UBR3: variants seen among roughly 807,000 people sequenced by gnomAD.
UBR3 encodes E3 ubiquitin-protein ligase UBR3.
UBR3 carries 85 observed loss-of-function variants against 243.2 expected under a neutral mutation model. The ratio of observed to expected loss-of-function variants is 0.35; its 90% CI spans 0.29 to 0.42. UBR3 has a LOEUF of 0.42. Among genes scored for constraint, UBR3 ranks in the 10% least tolerant of loss-of-function variants. The pLI, the probability that UBR3 is intolerant of heterozygous loss-of-function variation, is 1.00. For synonymous variants in UBR3, 748 were observed against 799.8 expected (o/e 0.94, Z 1.09); for missense variants, 1,686 against 2,300.8 (o/e 0.73, Z 5.47).
intron 24 of UBR3, among the ~76,000 whole-genome samples, chr2:169,962,340 C>T (rs1479710102): frequency 6.6e-6 from 1 of 151,864 alleles, no homozygotes; most frequent in Non-Finnish European, 1.5e-5. Context: ...CTCCCAAAGT[C>T]CAGGATTACA....
chr2:169,935,759 A>G (rs995086492), intron 19 of UBR3, among the ~76,000 whole-genome samples: 1 of 152,142 alleles, frequency 6.6e-6, no homozygotes. Flanking sequence ...GTCATGTAGC[A>G]TTTCATTTGC....
At chr2:170,052,562 C>G (rs1282446811) in intron 32 of UBR3, among the ~76,000 whole-genome samples, 1 of 152,066 alleles carries the variant, frequency 6.6e-6, no homozygotes, top group Non-Finnish European at 1.5e-5. Flanking sequence ...ATGGATGAAC[C>G]CATAGGACAT....
At chr2:169,963,490 C>CA (rs760905913) in intron 24 of UBR3, among the ~76,000 whole-genome samples, 33 of 151,966 alleles carry the variant, frequency 2.2e-4, no homozygotes, top group Non-Finnish European at 4.0e-4. Context: ...AATATTTCTT[C>CA]ATTTTTTTTT....
chr2:169,997,040 A>G (rs568578399), intron 26 of UBR3, among the ~76,000 whole-genome samples: 1 of 151,896 alleles, frequency 6.6e-6, no homozygotes, highest in African/African-American at 2.4e-5. Context: ...ATATTACTTT[A>G]TTAATCAGAG....
At chr2:170,004,680 G>A (rs1333904839) in intron 27 of UBR3, among the ~76,000 whole-genome samples, 1 of 150,394 alleles carries the variant, frequency 6.6e-6, no homozygotes, top group Admixed American at 6.6e-5. Context: ...GGAGGCTGAG[G>A]TGGGTGGATC....
intron 17 of UBR3, among the ~76,000 whole-genome samples, chr2:169,928,429 A>T (rs572057753): frequency 1.8e-4 from 27 of 152,274 alleles, no homozygotes; most frequent in African/African-American, 6.5e-4. Flanking sequence ...ACACATTTTT[A>T]AAAGTTTTTC....
intron 7 of UBR3, 88 bp from the exon 8 acceptor site, chr2:169,896,419 G>A: frequency 1.2e-6 from 1 of 828,864 alleles, no homozygotes; most frequent in African/African-American, 1.7e-5. Context: ...AGTAATAGCT[G>A]TAAAATGTTA....
intron 24 of UBR3, among the ~76,000 whole-genome samples, chr2:169,984,603 A>G (rs922128607): frequency 2.0e-5 from 3 of 152,238 alleles, no homozygotes; most frequent in Non-Finnish European, 4.4e-5. Flanking sequence ...ATTTAAATAC[A>G]GCATTTAATT....
At chr2:169,835,509 C>T (rs147958251) in intron 1 of UBR3, among the ~76,000 whole-genome samples, 26,852 of 152,172 alleles carry the variant, frequency 0.18, 2,588 homozygotes, top group South Asian at 0.35. Flanking sequence ...TGCATGATCT[C>T]GGCTCACTGC....
intron 1 of UBR3, among the ~76,000 whole-genome samples, chr2:169,845,539 CTTCTTCTTCTTCT>C (rs1453363085): frequency 2.1e-5 from 3 of 144,896 alleles, no homozygotes; most frequent in Non-Finnish European, 3.0e-5. Flanking sequence ...TCGTCTTCTT[CTTCTTCTTCTTCT>C]TTCTTCTTCT....
At chr2:169,858,518 T>C (rs927041802) in intron 1 of UBR3, among the ~76,000 whole-genome samples, 5 of 152,124 alleles carry the variant, frequency 3.3e-5, no homozygotes, top group African/African-American at 1.2e-4. Context: ...TGAAGGGTAT[T>C]TTCTCTGTGT....
At chr2:169,934,791 G>C (rs1024928787) in intron 19 of UBR3, among the ~76,000 whole-genome samples, 1 of 152,200 alleles carries the variant, frequency 6.6e-6, no homozygotes, top group African/African-American at 2.4e-5. Flanking sequence ...TTCAGTTTTT[G>C]TGCTGAGAGT....
chr2:170,080,266 G>T, intron 37 of UBR3: 1 of 570,234 alleles, frequency 1.8e-6, no homozygotes. Context: ...TTAATGGTAT[G>T]TACTTTGGAA....
chr2:169,884,076 A>G (rs2083996864), intron 5 of UBR3, among the ~76,000 whole-genome samples: 1 of 150,200 alleles, frequency 6.7e-6, no homozygotes. Context: ...CAGGTGATTC[A>G]CCCACCTTGG....
Position 169,869,917 on chromosome 2 carries a change from C to G in UBR3, c.546-2319C>G, listed in dbSNP as rs189062745. ...GTAATCATAGCTATTAATCTTTTAT[C>G]TCATTTATAAATTGTAAATATTTTT... On this transcript the variant is annotated intron_variant, in intron 1 of 38. Transcript: ENST00000272793. Among the ~76,000 whole-genome samples the G allele has an allele frequency of 2.1e-3, 322 of 152,068 alleles. 1 individual carries two copies. The highest frequency in any genetic ancestry group is 7.3e-3 in the African/African-American group (302 of 41,508).
intron 32 of UBR3, among the ~76,000 whole-genome samples, chr2:170,050,566 G>A (rs1007041354): frequency 6.6e-6 from 1 of 151,998 alleles, no homozygotes; most frequent in East Asian, 1.9e-4. Context: ...TCCTTTGTTC[G>A]TCCTCAGGTA....
intron 8 of UBR3, among the ~76,000 whole-genome samples, chr2:169,898,869 T>C (rs1473400990): frequency 6.6e-6 from 1 of 150,744 alleles, no homozygotes; most frequent in Non-Finnish European, 1.5e-5. Context: ...GCCCAGCTAA[T>C]TTTTTGTATT....
chr2:169,861,028 C>T lies in UBR3; in HGVS notation c.546-11208C>T, dbSNP rs147479591. ...GTTCAAGGGCAGGATGCATCCAGCA[C>T]GGGAGAAAGATGAAGTCTGGAAGAC... On this transcript the variant is annotated intron_variant, in intron 1 of 38. Coordinates refer to ENST00000272793, the MANE Select transcript of UBR3 (RefSeq NM_172070.4). Among the ~76,000 whole-genome samples, 94 of 152,280 alleles carry T rather than the reference C, an allele frequency of 6.2e-4. 1 individual carries two copies. Among genetic ancestry groups the T allele is most frequent in the African/African-American group, 2.2e-3 (90 of 41,556 alleles).
intron 5 of UBR3, among the ~76,000 whole-genome samples, chr2:169,886,130 C>T (rs1008091606): frequency 3.4e-5 from 5 of 147,914 alleles, no homozygotes; most frequent in Non-Finnish European, 5.9e-5. Flanking sequence ...GCACCCCAGC[C>T]TGCGCGACAG....
Sources: allele counts gnomAD v4.1 joint callset (sites outside exome capture counted in the v4.1 genomes callset), GRCh38; gene constraint gnomAD v4.1.1; transcripts MANE v1.5; gene names NCBI Gene and HGNC (gene_info 2026-07-23, HGNC 2026-07-21).